The following MAML2 variants were observed in gnomAD, a reference collection of about 807,000 sequenced individuals.
MAML2 encodes mastermind-like protein 2.
MAML2 carries 22 observed loss-of-function variants against 96.1 expected under a neutral mutation model. That is an observed-to-expected ratio of 0.23 (90% CI 0.16 to 0.33). The LOEUF (loss-of-function observed/expected upper bound fraction) is 0.33. Among genes scored for constraint, MAML2 ranks in the 10% least tolerant of loss-of-function variants. The pLI is 1.00. For synonymous variants in MAML2, 561 were observed against 521.3 expected (o/e 1.08, Z -1.04); for missense variants, 1,367 against 1,392.4 (o/e 0.98, Z 0.29).
intron 2 of MAML2, among the ~76,000 whole-genome samples, chr11:96,020,624 A>G (rs1187643977): frequency 6.6e-6 from 1 of 152,212 alleles, no homozygotes; most frequent in Non-Finnish European, 1.5e-5. Context: ...CCACGTGTGA[A>G]CTGATGAGAG....
chr11:95,979,550 T>C lies in MAML2; in HGVS notation c.2869A>G (p.Ile957Val). The change falls in exon 5 of 5, where the codon ATC (isoleucine) becomes GTC (valine). Residue 957 changes from isoleucine (I) to valine (V), a missense_variant. Physicochemically the swap from Ile to Val is conservative, Grantham distance 29. Transcript: ENST00000524717. ...TTTGGTGCAGTTGTGTTGGATGTGATCATTACGTTTGATGTTCTCTGTGGT... is the reference window on the plus strand; with the variant it reads ...TTTGGTGCAGTTGTGTTGGATGTGACCATTACGTTTGATGTTCTCTGTGGT... ...MPPQRTSNVM[I>V]TSNTTAPNWA... The C allele has an allele frequency of 6.2e-7, 1 of 1,613,932 alleles. No individual in the cohort carries two copies. The highest frequency in any genetic ancestry group is 2.2e-5 in the East Asian group (1 of 44,878).
At chr11:96,161,846 G>T (rs1177092463) in intron 1 of MAML2, among the ~76,000 whole-genome samples, 1 of 152,122 alleles carries the variant, frequency 6.6e-6, no homozygotes, top group Non-Finnish European at 1.5e-5. Flanking sequence ...GATGAGTTTT[G>T]GTTTAGGAAA....
chr11:96,234,656 C>A (rs961100131), intron 1 of MAML2, among the ~76,000 whole-genome samples: 3 of 152,176 alleles, frequency 2.0e-5, no homozygotes, highest in Non-Finnish European at 4.4e-5. Flanking sequence ...CTTTCTCACA[C>A]ACACACAAGC....
chr11:96,217,036 G>A (rs1051053846), intron 1 of MAML2, among the ~76,000 whole-genome samples: 1 of 152,164 alleles, frequency 6.6e-6, no homozygotes, highest in Non-Finnish European at 1.5e-5. Context: ...AGAGCAGGAT[G>A]GTGGGGATGT....
intron 1 of MAML2, among the ~76,000 whole-genome samples, chr11:96,175,378 G>A (rs1591055362): frequency 1.3e-5 from 2 of 152,148 alleles, no homozygotes; most frequent in African/African-American, 4.8e-5. Context: ...ATTTTTGTAT[G>A]ATGTGCAAAG....
chr11:96,175,034 G>A (rs1335712934), intron 1 of MAML2, among the ~76,000 whole-genome samples: 2 of 152,212 alleles, frequency 1.3e-5, no homozygotes, highest in Non-Finnish European at 2.9e-5. Context: ...TGTTACACAA[G>A]CAACGTTAAG....
At chr11:96,135,998 C>T (rs1253554872) in intron 1 of MAML2, among the ~76,000 whole-genome samples, 2 of 152,158 alleles carry the variant, frequency 1.3e-5, no homozygotes, top group African/African-American at 4.8e-5. Context: ...TAACTAATCC[C>T]ATTAAGTGAA....
chr11:96,053,497 G>T (rs1196105278), intron 2 of MAML2, among the ~76,000 whole-genome samples: 3 of 152,206 alleles, frequency 2.0e-5, no homozygotes, highest in Admixed American at 6.5e-5. Flanking sequence ...ACCAGCAGCT[G>T]TTCTCTATCC....
chr11:96,230,996 T>A (rs915882793), intron 1 of MAML2, among the ~76,000 whole-genome samples: 3 of 152,360 alleles, frequency 2.0e-5, no homozygotes, highest in African/African-American at 7.2e-5. Context: ...AGATATGTCT[T>A]GTGACATTTT....
intron 1 of MAML2, among the ~76,000 whole-genome samples, chr11:96,261,087 G>A (rs1342769912): frequency 1.3e-5 from 2 of 152,052 alleles, no homozygotes; most frequent in African/African-American, 4.8e-5. Flanking sequence ...CTCCAATCTG[G>A]CAGTATTGAC....
At position 96,003,848 on chromosome 11, in the gene MAML2, CAGAT is replaced by C. The variant is rs371616250; in HGVS notation, c.2140-12129_2140-12126del. 3.7e-3 allele frequency among the ~76,000 whole-genome samples: 560 copies of C among 152,110 alleles called. 4 individuals are homozygous for C. Among genetic ancestry groups the C allele is most frequent in the African/African-American group, 0.013 (546 of 41,520 alleles). Reference sequence around the variant, plus strand: ...TAAATAATATACAATTTCTGATCATCAGATAGTGATGGTAGCATAGTATTTATAG... The same window carrying C: ...TAAATAATATACAATTTCTGATCATCAGTGATGGTAGCATAGTATTTATAG... On this transcript the variant is annotated intron_variant, in intron 2 of 4. Coordinates refer to ENST00000524717, the MANE Select transcript of MAML2 (RefSeq NM_032427.4).
chr11:95,978,684 C>A lies in MAML2; in HGVS notation c.*264G>T. 2 of 402,336 alleles carry A rather than the reference C, an allele frequency of 5.0e-6. No homozygotes were observed. The highest frequency in any genetic ancestry group is 8.8e-6 in the Non-Finnish European group (2 of 227,108). The allele number at this position is 402,336 out of a possible 1,614,324, so 24.9% of individuals were successfully genotyped here. A position where few individuals can be genotyped will look rare whatever the true frequency, so the allele number is the denominator to read the frequency against. On this transcript the variant is annotated 3_prime_UTR_variant, in exon 5 of 5. Coordinates refer to ENST00000524717, the MANE Select transcript of MAML2 (RefSeq NM_032427.4). ...TACACAATTAATTACACATTGACAC[C>A]ACAGTTCTGTTTGGATAAATTGGAT...
intron 1 of MAML2, among the ~76,000 whole-genome samples, chr11:96,257,117 C>T (rs967833320): frequency 1.3e-5 from 2 of 152,202 alleles, no homozygotes; most frequent in African/African-American, 4.8e-5. Flanking sequence ...AGAGGTTTTT[C>T]TGTGGAAAAG....
intron 2 of MAML2, among the ~76,000 whole-genome samples, chr11:96,053,213 A>C (rs1447875120): frequency 6.6e-6 from 1 of 152,188 alleles, no homozygotes; most frequent in East Asian, 1.9e-4. Flanking sequence ...AAACTCTCAT[A>C]GAGAAATGTT....
chr11:96,041,579 A>G (rs1858812004), intron 2 of MAML2, among the ~76,000 whole-genome samples: 1 of 152,108 alleles, frequency 6.6e-6, no homozygotes, highest in Non-Finnish European at 1.5e-5. Context: ...GTGGTATTCA[A>G]GCAAAACTTG....
At chr11:96,015,266 C>A (rs1858326778) in intron 2 of MAML2, among the ~76,000 whole-genome samples, 1 of 152,106 alleles carries the variant, frequency 6.6e-6, no homozygotes, top group African/African-American at 2.4e-5. Flanking sequence ...CATAACAGTA[C>A]AGTTCAGTTA....
chr11:96,101,633 C>A (rs12801369), intron 1 of MAML2, among the ~76,000 whole-genome samples: 83,334 of 151,890 alleles, frequency 0.55, 23,898 homozygotes, highest in Middle Eastern at 0.79. Context: ...TTTAGTGGGG[C>A]TTAGCAACAC....
chr11:96,232,508 C>T (rs1035124488), intron 1 of MAML2, among the ~76,000 whole-genome samples: 22 of 151,816 alleles, frequency 1.4e-4, no homozygotes, highest in South Asian at 4.1e-4. Context: ...CTCACTCAGT[C>T]GCCCAGGCTG....
At chr11:96,272,795 A>G (rs1228107875) in intron 1 of MAML2, among the ~76,000 whole-genome samples, 1 of 152,190 alleles carries the variant, frequency 6.6e-6, no homozygotes, top group African/African-American at 2.4e-5. Flanking sequence ...CTTGCTGTAC[A>G]ATTAAGCTAT....
Sources: gnomAD v4.1 joint callset for allele counts (sites outside exome capture counted in the v4.1 genomes callset) on GRCh38, gnomAD v4.1.1 for gene constraint, MANE v1.5 for transcripts, NCBI Gene and HGNC (gene_info 2026-07-23, HGNC 2026-07-21) for gene names.